Variants in KCND2 observed in about 807,000 individuals in gnomAD.
The protein encoded by KCND2 is potassium voltage-gated channel subfamily D member 2.
A neutral mutation model predicts 54.4 loss-of-function variants in KCND2; 16 were observed. The observed-to-expected ratio is 0.29, with a 90% confidence interval of 0.20 to 0.45. The LOEUF is 0.45. Among genes scored for constraint, KCND2 ranks in the 20% least tolerant of loss-of-function variants. The pLI is 1.00. For synonymous variants in KCND2, 317 were observed against 310.7 expected (o/e 1.02, Z -0.21); for missense variants, 486 against 824.2 (o/e 0.59, Z 5.02).
chr7:120,601,071 A>AT (rs1419840654), intron 1 of KCND2, among the ~76,000 whole-genome samples: 2 of 152,182 alleles, frequency 1.3e-5, no homozygotes, highest in East Asian at 1.9e-4. Flanking sequence ...CATTTCTTAA[A>AT]TTTTTTTCTG....
intron 1 of KCND2, among the ~76,000 whole-genome samples, chr7:120,476,511 C>T (rs988172492): frequency 5.3e-5 from 8 of 152,156 alleles, no homozygotes; most frequent in South Asian, 4.1e-4. Flanking sequence ...AACATTGTGG[C>T]GCTAACTAGC....
intron 1 of KCND2, among the ~76,000 whole-genome samples, chr7:120,527,985 A>G (rs1197880025): frequency 5.9e-5 from 9 of 152,164 alleles, no homozygotes; most frequent in Non-Finnish European, 1.5e-5. Flanking sequence ...GTGGAAACTG[A>G]TAAAATAAGT....
At chr7:120,349,327 AACAC>A (rs145626165) in intron 1 of KCND2, among the ~76,000 whole-genome samples, 2 of 144,464 alleles carry the variant, frequency 1.4e-5, no homozygotes, top group Non-Finnish European at 3.0e-5. Context: ...CACACACACA[AACAC>A]ACACACACAC....
intron 1 of KCND2, among the ~76,000 whole-genome samples, chr7:120,339,918 C>A (rs945822912): frequency 6.6e-6 from 1 of 152,028 alleles, no homozygotes; most frequent in Non-Finnish European, 1.5e-5. Flanking sequence ...GCAGTGCAAG[C>A]CTTCAAAGCA....
At chr7:120,553,693 C>T (rs1016015103) in intron 1 of KCND2, among the ~76,000 whole-genome samples, 2 of 152,158 alleles carry the variant, frequency 1.3e-5, no homozygotes, top group Admixed American at 6.6e-5. Flanking sequence ...GATTGTAGGT[C>T]ATCCTGTGAG....
intron 1 of KCND2, among the ~76,000 whole-genome samples, chr7:120,688,874 T>C (rs1195845458): frequency 1.3e-5 from 2 of 152,170 alleles, no homozygotes; most frequent in Non-Finnish European, 2.9e-5. Context: ...AATGATCTCC[T>C]TTTAGAAAAC....
intron 1 of KCND2, among the ~76,000 whole-genome samples, chr7:120,492,764 G>A (rs1049010323): frequency 6.6e-6 from 1 of 151,950 alleles, no homozygotes; most frequent in African/African-American, 2.4e-5. Context: ...ACATACCTTG[G>A]CCTAGCGTGC....
At position 120,304,270 on chromosome 7, in the gene KCND2, A is replaced by G. The variant is rs142005560; in HGVS notation, c.1115+28523A>G. Among the ~76,000 whole-genome samples, 8 of 152,316 alleles carry G rather than the reference A, an allele frequency of 5.3e-5. No homozygotes were observed. In the East Asian group the frequency reaches 1.5e-3, roughly 29 times the overall value. The stretch of plus-strand genomic sequence containing the variant: ...ATACCTAATAATGATTCTAACAAAT[A>G]TATAGGAAGGGGAAGTTCGGTATTT... On this transcript the variant is annotated intron_variant, in intron 1 of 5. Transcript: ENST00000331113.
chr7:120,670,159 T>C (rs1293763775), intron 1 of KCND2, among the ~76,000 whole-genome samples: 1 of 152,012 alleles, frequency 6.6e-6, no homozygotes, highest in East Asian at 1.9e-4. Context: ...TGAAAATTAA[T>C]AAAATAAAAT....
chr7:120,557,207 T>C (rs1792176528), intron 1 of KCND2, among the ~76,000 whole-genome samples: 1 of 152,152 alleles, frequency 6.6e-6, no homozygotes, highest in African/African-American at 2.4e-5. Flanking sequence ...GTTTAATACA[T>C]TCAAATAATG....
intron 1 of KCND2, among the ~76,000 whole-genome samples, chr7:120,644,336 T>G (rs1197726071): frequency 1.3e-5 from 2 of 152,108 alleles, no homozygotes; most frequent in African/African-American, 4.8e-5. Context: ...CGCAGAAATA[T>G]CAGCCAGACT....
At chr7:120,647,731 G>A (rs903297708) in intron 1 of KCND2, among the ~76,000 whole-genome samples, 6 of 152,208 alleles carry the variant, frequency 3.9e-5, no homozygotes, top group South Asian at 2.1e-4. Context: ...TAACTTTGCC[G>A]TAAGTTTTCA....
intron 1 of KCND2, among the ~76,000 whole-genome samples, chr7:120,575,920 A>G (rs1792426260): frequency 1.8e-4 from 2 of 10,864 alleles, no homozygotes; most frequent in Admixed American, 1.3e-3. Context: ...GGTTCTTAAA[A>G]ATTCTCAGGA....
chr7:120,322,848 C>A lies in KCND2; in HGVS notation c.1115+47101C>A, dbSNP rs534067935. 3.3e-5 allele frequency among the ~76,000 whole-genome samples: 5 copies of A among 151,926 alleles called. No homozygotes were observed. In the East Asian group the frequency reaches 5.8e-4, roughly 18 times the overall value. On this transcript the variant is annotated intron_variant, in intron 1 of 5. Transcript: ENST00000331113. Reference sequence around the variant, plus strand: ...TGTTTAAGGGTTAGATCAATCAATTCTTTGTTTTTTATCTAGTGCCATTAA... The same window carrying A: ...TGTTTAAGGGTTAGATCAATCAATTATTTGTTTTTTATCTAGTGCCATTAA...
chr7:120,656,033 G>C (rs1791799489), intron 1 of KCND2, among the ~76,000 whole-genome samples: 1 of 151,962 alleles, frequency 6.6e-6, no homozygotes, highest in South Asian at 2.1e-4. Flanking sequence ...GTATCCATTT[G>C]TTTAAAATTA....
At chr7:120,318,423 G>A (rs62470535) in intron 1 of KCND2, among the ~76,000 whole-genome samples, 4 of 152,068 alleles carry the variant, frequency 2.6e-5, no homozygotes, top group Non-Finnish European at 5.9e-5. Context: ...AAGGTGAATA[G>A]CATTCTCTGT....
intron 1 of KCND2, among the ~76,000 whole-genome samples, chr7:120,337,768 G>T (rs537360086): frequency 5.9e-5 from 9 of 152,284 alleles, no homozygotes; most frequent in African/African-American, 2.2e-4. Flanking sequence ...GTTTACAAAA[G>T]TTGTAATGAG....
At chr7:120,638,687 T>G (rs1793335984) in intron 1 of KCND2, among the ~76,000 whole-genome samples, 1 of 152,140 alleles carries the variant, frequency 6.6e-6, no homozygotes, top group African/African-American at 2.4e-5. Flanking sequence ...TAGATAGTGC[T>G]TACATACTGA....
At chr7:120,306,340 CTG>C (rs1459726834) in intron 1 of KCND2, among the ~76,000 whole-genome samples, 3 of 151,902 alleles carry the variant, frequency 2.0e-5, no homozygotes, top group African/African-American at 7.2e-5. Flanking sequence ...TTCTTTAAAA[CTG>C]ATATTTTTGA....
Sources: allele counts gnomAD v4.1 joint callset (sites outside exome capture counted in the v4.1 genomes callset), GRCh38; gene constraint gnomAD v4.1.1; transcripts MANE v1.5; gene names NCBI Gene and HGNC (gene_info 2026-07-23, HGNC 2026-07-21).